Variants in PROX1 observed in about 807,000 individuals in gnomAD.
PROX1 encodes the protein prospero homeobox 1.
Under a neutral mutation model 58.8 loss-of-function variants are expected in PROX1, and 7 were observed. The ratio of observed to expected loss-of-function variants is 0.12; its 90% confidence interval spans 0.07 to 0.22. The LOEUF (loss-of-function observed/expected upper bound fraction) is 0.22. Ranked by LOEUF, PROX1 falls within the 10% of genes least tolerant of loss-of-function variation. The pLI is 1.00. For missense variants in PROX1, 675 were observed against 927.8 expected (o/e 0.73, Z 3.54); for synonymous variants, 350 against 358.3 (o/e 0.98, Z 0.26).
At chr1:213,991,864 T>C (rs887842139) in intron 1 of PROX1, among the ~76,000 whole-genome samples, 1 of 152,208 alleles carries the variant, frequency 6.6e-6, no homozygotes, top group African/African-American at 2.4e-5. Flanking sequence ...AAAGAAATTA[T>C]AAAATGTGAC....
At position 214,032,806 on chromosome 1, in the gene PROX1, A is replaced by C. The variant is rs377089549; in HGVS notation, c.2029-2843A>C. 2.3e-4 allele frequency among the ~76,000 whole-genome samples: 35 copies of C among 152,318 alleles called. No individual in the cohort carries two copies. In the East Asian group the frequency reaches 6.4e-3, roughly 28 times the overall value. ...AGTACATAAAAGTAGATAAAAAGTTAAACAGCATCAAGACACAAATGCAAA... is the reference window on the plus strand; with the variant it reads ...AGTACATAAAAGTAGATAAAAAGTTCAACAGCATCAAGACACAAATGCAAA... On this transcript the variant is annotated intron_variant, in intron 4 of 4. Coordinates refer to ENST00000366958, the MANE Select transcript of PROX1 (RefSeq NM_001270616.2).
At chr1:214,017,313 T>G (rs1207843687) in intron 4 of PROX1, among the ~76,000 whole-genome samples, 1 of 152,212 alleles carries the variant, frequency 6.6e-6, no homozygotes, top group Non-Finnish European at 1.5e-5. Context: ...TGGAGTTCTA[T>G]GATCTATTTC....
chr1:213,997,129 G>A lies in PROX1; in HGVS notation c.594G>A (p.Val198=). ...AAAGAGAGATGGCCCCGCAGTCTGT[G>A]AGTCCCCGAGAAAGTTACAGAGAAA... ...ENEREMAPQS[V]SPRESYRENK... Residue 198 remains valine (V), a synonymous_variant, in exon 2 of 5, where the codon GTG becomes GTA. Transcript: ENST00000366958. The surrounding 1 kb of genome is among the most constrained non-coding windows in gnomAD (Gnocchi z 7.1). The A allele has an allele frequency of 6.2e-7, 1 of 1,613,416 alleles. No individual in the cohort carries two copies. The highest frequency in any genetic ancestry group is 2.2e-5 in the East Asian group (1 of 44,884).
chr1:213,989,784 A>T (rs1662956352), intron 1 of PROX1: 1 of 152,196 alleles, frequency 6.6e-6, no homozygotes, highest in Non-Finnish European at 1.5e-5. Context: ...AAGGAGGAGT[A>T]AGTAGCTTTC....
chr1:214,001,456 C>G (rs1558173179), intron 2 of PROX1, among the ~76,000 whole-genome samples: 1 of 152,158 alleles, frequency 6.6e-6, no homozygotes, highest in Non-Finnish European at 1.5e-5. Flanking sequence ...CTCTTTGCAT[C>G]TCAAGAAAAA....
At chr1:213,987,186 G>A (rs340873), upstream of PROX1, among the ~76,000 whole-genome samples, 70,447 of 152,030 alleles carry the variant, frequency 0.46, 17,306 homozygotes, top group South Asian at 0.59. Flanking sequence ...TCCTCTTCCT[G>A]ATAATTTGGA....
chr1:213,996,041 T>C (rs1335632479), intron 1 of PROX1, among the ~76,000 whole-genome samples: 1 of 152,248 alleles, frequency 6.6e-6, no homozygotes, highest in Admixed American at 6.5e-5. Flanking sequence ...CAATTTTTCA[T>C]GTGAATTTCT....
At chr1:213,992,927 A>G (rs1053643957) in intron 1 of PROX1, among the ~76,000 whole-genome samples, 2 of 152,192 alleles carry the variant, frequency 1.3e-5, no homozygotes, top group Non-Finnish European at 2.9e-5. Context: ...TTAAGTCATC[A>G]GTTTCCTTAG....
intron 4 of PROX1, among the ~76,000 whole-genome samples, chr1:214,026,862 G>T (rs1416586458): frequency 6.6e-5 from 10 of 152,198 alleles, no homozygotes; most frequent in Admixed American, 6.5e-4. Context: ...CTTTTCCATG[G>T]AGTTTCCCTG....
chr1:213,986,071 C>G (rs1342407741), upstream of PROX1: 2 of 152,218 alleles, frequency 1.3e-5, no homozygotes, highest in Non-Finnish European at 2.9e-5. Context: ...CCGCTTACCT[C>G]GAAGGGACCC....
intron 4 of PROX1, among the ~76,000 whole-genome samples, chr1:214,019,877 C>G (rs1350947762): frequency 6.6e-6 from 1 of 152,164 alleles, no homozygotes; most frequent in African/African-American, 2.4e-5. Flanking sequence ...AGCTGATGAT[C>G]ATGTATTCAT....
intron 3 of PROX1, among the ~76,000 whole-genome samples, chr1:214,007,104 T>C (rs1663742871): frequency 6.6e-6 from 1 of 152,218 alleles, no homozygotes; most frequent in Non-Finnish European, 1.5e-5. Context: ...GGGAAGATTA[T>C]TGATCTGTAG....
At chr1:214,028,319 G>A (rs1004396752) in intron 4 of PROX1, among the ~76,000 whole-genome samples, 3 of 152,048 alleles carry the variant, frequency 2.0e-5, no homozygotes, top group East Asian at 1.9e-4. Flanking sequence ...CTTTGACCAC[G>A]GTGCTCAGTG....
chr1:214,004,635 C>T (rs1228303972), intron 2 of PROX1, among the ~76,000 whole-genome samples: 1 of 152,132 alleles, frequency 6.6e-6, no homozygotes, highest in African/African-American at 2.4e-5. Context: ...AGTCAAGATG[C>T]TCCATTAGAT....
intron 2 of PROX1, among the ~76,000 whole-genome samples, chr1:214,000,168 T>G (rs1374397484): frequency 6.6e-6 from 1 of 152,194 alleles, no homozygotes; most frequent in Non-Finnish European, 1.5e-5. Context: ...CACTAAGCTC[T>G]TTAGTTCAAG....
At chr1:214,000,777 C>T (rs966573268) in intron 2 of PROX1, among the ~76,000 whole-genome samples, 5 of 152,068 alleles carry the variant, frequency 3.3e-5, no homozygotes, top group African/African-American at 9.7e-5. Context: ...GAGATTGGGC[C>T]CACTTTTCTC....
intron 4 of PROX1, chr1:214,029,652 T>C (rs561677211): frequency 6.6e-6 from 1 of 152,312 alleles, no homozygotes; most frequent in South Asian, 2.1e-4. Context: ...TACTACTGTA[T>C]ATGAATTCCA....
chr1:214,034,632 T>C (rs1664770365), intron 4 of PROX1, among the ~76,000 whole-genome samples: 1 of 152,158 alleles, frequency 6.6e-6, no homozygotes, highest in Non-Finnish European at 1.5e-5. Flanking sequence ...CAGTAGCTAC[T>C]GCTTTCCTTA....
At chr1:214,011,399 G>C in intron 3 of PROX1, 122 bp from the exon 4 acceptor site, 1 of 883,124 alleles carries the variant, frequency 1.1e-6, no homozygotes, top group Non-Finnish European at 1.7e-6. Context: ...TTTTGGTGGA[G>C]TTAAATACGT....
Sources: allele counts gnomAD v4.1 joint callset (sites outside exome capture counted in the v4.1 genomes callset), GRCh38; gene constraint gnomAD v4.1.1; non-coding constraint Gnocchi (gnomAD v3.1); transcripts MANE v1.5; gene names NCBI Gene and HGNC (gene_info 2026-07-23, HGNC 2026-07-21).